FYN: variants seen among roughly 807,000 people sequenced by gnomAD.
FYN encodes tyrosine-protein kinase Fyn.
Under a neutral mutation model 70.2 loss-of-function variants are expected in FYN, and 10 were observed. The ratio of observed to expected loss-of-function variants is 0.14; its 90% CI spans 0.09 to 0.24. The LOEUF is 0.24. Among genes scored for constraint, FYN ranks in the 10% least tolerant of loss-of-function variants. The pLI, the probability that FYN is intolerant of heterozygous loss-of-function variation, is 1.00. For synonymous variants in FYN, 236 were observed against 248.6 expected (o/e 0.95, Z 0.48); for missense variants, 319 against 673.1 (o/e 0.47, Z 5.82).
chr6:111,823,591 C>T (rs1474258401), intron 2 of FYN, among the ~76,000 whole-genome samples: 1 of 152,214 alleles, frequency 6.6e-6, no homozygotes, highest in Non-Finnish European at 1.5e-5. Context: ...AAATCATCCC[C>T]TCTTACTTTT....
rs368455702 is a variant in FYN, at chr6:111,674,584, G to A, written c.1320C>T (p.Tyr440=). The A allele has an allele frequency of 3.2e-5, 51 of 1,613,790 alleles. No homozygotes were observed. Among genetic ancestry groups the A allele is most frequent in the East Asian group, 1.6e-4 (7 of 44,878 alleles). Residue 440 remains tyrosine, a synonymous_variant, in exon 13 of 14, where the codon TAC becomes TAT. Transcript: ENST00000354650. The stretch of plus-strand genomic sequence containing the variant: ...CGTCAGACTTGATTGTGAACCTCCC[G>A]TACAGGGCTGCCTCGGGGGCCGTCC... ...IKWTAPEAAL[Y]GRFTIKSDVW...
Position 111,836,263 on chromosome 6 carries a change from C to T in FYN, c.-82+10326G>A, listed in dbSNP as rs184839955. On this transcript the variant is annotated intron_variant, in intron 2 of 13. Transcript: ENST00000354650. ...CGCTCTCAATGATCATAGGAGATGG[C>T]GATATGACGGAAAATATGAAAACCT... is the stretch of plus-strand genomic sequence containing the variant. 1.3e-4 allele frequency among the ~76,000 whole-genome samples: 20 copies of T among 152,114 alleles called. No individual in the cohort carries two copies. The East Asian group carries it at 3.1e-3, about 23-fold the overall frequency.
chr6:111,836,665 G>C (rs1016528191), intron 2 of FYN, among the ~76,000 whole-genome samples: 1 of 152,186 alleles, frequency 6.6e-6, no homozygotes, highest in Non-Finnish European at 1.5e-5. Context: ...CTGCTAGGGA[G>C]GCTGAGGTGG....
chr6:111,846,936 A>G (rs140435084), intron 1 of FYN, among the ~76,000 whole-genome samples: 158 of 152,252 alleles, frequency 1.0e-3, no homozygotes, highest in African/African-American at 3.5e-3. Flanking sequence ...ACACACAAAC[A>G]CAAACACAAA....
intron 3 of FYN, among the ~76,000 whole-genome samples, chr6:111,738,444 C>T (rs1438618484): frequency 2.0e-5 from 3 of 152,244 alleles, no homozygotes; most frequent in Non-Finnish European, 4.4e-5. Context: ...AGGCTCATGG[C>T]TGCAGCCAGG....
intron 2 of FYN, among the ~76,000 whole-genome samples, chr6:111,812,969 T>C (rs566088686): frequency 1.2e-4 from 18 of 152,298 alleles, no homozygotes; most frequent in South Asian, 2.1e-4. Context: ...CATGTACACA[T>C]TGAAATCGCC....
chr6:111,863,806 T>C (rs1206702045), intron 1 of FYN, among the ~76,000 whole-genome samples: 1 of 152,232 alleles, frequency 6.6e-6, no homozygotes, highest in Non-Finnish European at 1.5e-5. Context: ...TCTGTGCGGA[T>C]TTATGATCCC....
At chr6:111,677,612 TGCTGCAGGGCTGCTGCAGTGA>T in intron 12 of FYN, among the ~76,000 whole-genome samples, 1 of 152,232 alleles carries the variant, frequency 6.6e-6, no homozygotes, top group Non-Finnish European at 1.5e-5. Context: ...CAGATGTCCC[TGCTGCAGGGCTGCTGCAGTGA>T]GCTCTGTAAG....
chr6:111,663,948 T>C (rs1583276833), intron 13 of FYN, among the ~76,000 whole-genome samples: 1 of 152,198 alleles, frequency 6.6e-6, no homozygotes. Flanking sequence ...TCTCCACAAT[T>C]CCACCATCCA....
intron 2 of FYN, among the ~76,000 whole-genome samples, chr6:111,808,565 C>T (rs887055741): frequency 2.6e-5 from 4 of 152,194 alleles, no homozygotes; most frequent in African/African-American, 9.7e-5. Context: ...TCTTGCTAAA[C>T]TCAACTAGAA....
chr6:111,668,399 G>A (rs1366754532), intron 13 of FYN, among the ~76,000 whole-genome samples: 1 of 151,300 alleles, frequency 6.6e-6, no homozygotes, highest in African/African-American at 2.4e-5. Context: ...TCAGCCCATT[G>A]TATTAATAAA....
intron 2 of FYN, among the ~76,000 whole-genome samples, chr6:111,825,171 G>A (rs967274157): frequency 2.6e-5 from 4 of 152,140 alleles, no homozygotes; most frequent in Non-Finnish European, 2.9e-5. Flanking sequence ...CCATGGTCCC[G>A]AACAAGACAA....
chr6:111,715,809 T>C (rs1245946434), intron 4 of FYN, among the ~76,000 whole-genome samples: 1 of 152,220 alleles, frequency 6.6e-6, no homozygotes, highest in Non-Finnish European at 1.5e-5. Flanking sequence ...CGCAGATTCC[T>C]GACCCACAGA....
chr6:111,866,240 A>G (rs1774101342), intron 1 of FYN, among the ~76,000 whole-genome samples: 2 of 152,218 alleles, frequency 1.3e-5, no homozygotes, highest in African/African-American at 4.8e-5. Context: ...ATCTCCATTT[A>G]AAGATGAAGA....
At chr6:111,721,705 C>T (rs1260363694) in intron 3 of FYN, among the ~76,000 whole-genome samples, 1 of 152,040 alleles carries the variant, frequency 6.6e-6, no homozygotes, top group Non-Finnish European at 1.5e-5. Flanking sequence ...GTGACAGGCC[C>T]CTCCTGTGAC....
chr6:111,701,366 G>A (rs541824428), intron 8 of FYN, among the ~76,000 whole-genome samples: 139 of 152,234 alleles, frequency 9.1e-4, no homozygotes, highest in Non-Finnish European at 1.1e-3. Context: ...GGCAGCCCCC[G>A]GACCCAGGGA....
intron 10 of FYN, among the ~76,000 whole-genome samples, chr6:111,695,400 G>A (rs1328914754): frequency 6.6e-6 from 1 of 152,140 alleles, no homozygotes; most frequent in Non-Finnish European, 1.5e-5. Flanking sequence ...ATGAAACATT[G>A]GAAGCTTCAG....
intron 2 of FYN, among the ~76,000 whole-genome samples, chr6:111,805,729 C>T (rs1235538089): frequency 6.6e-6 from 1 of 152,160 alleles, no homozygotes; most frequent in East Asian, 1.9e-4. Context: ...GCTGAATTAA[C>T]TCATACACAT....
chr6:111,716,015 T>C (rs751930683), intron 4 of FYN, among the ~76,000 whole-genome samples: 13 of 152,250 alleles, frequency 8.5e-5, no homozygotes, highest in Non-Finnish European at 1.8e-4. Flanking sequence ...TTAGTACATA[T>C]AAGATAATAC....
Sources: allele counts gnomAD v4.1 joint callset (sites outside exome capture counted in the v4.1 genomes callset), GRCh38; gene constraint gnomAD v4.1.1; transcripts MANE v1.5; gene names NCBI Gene and HGNC (gene_info 2026-07-23, HGNC 2026-07-21).